The following TMEM233 variants were observed in gnomAD, a reference collection of about 807,000 sequenced individuals.
TMEM233 encodes the protein transmembrane protein 233.
A neutral mutation model predicts 11.2 loss-of-function variants in TMEM233; 6 were observed. The ratio of observed to expected loss-of-function variants is 0.54; its 90% CI spans 0.29 to 1.06. The LOEUF (loss-of-function observed/expected upper bound fraction) is 1.06. Ranked by LOEUF, TMEM233 falls within the 50% of genes least tolerant of loss-of-function variation. The pLI, the probability that TMEM233 is intolerant of heterozygous loss-of-function variation, is 0.08. For missense variants in TMEM233, 127 were observed against 144.7 expected, an observed-to-expected ratio of 0.88 and a Z score of 0.63; for synonymous variants, 59 against 55.8, an observed-to-expected ratio of 1.06 and a Z score of -0.26.
chr12:119,600,873 T>C (rs922998419), intron 1 of TMEM233, among the ~76,000 whole-genome samples: 1 of 152,194 alleles, frequency 6.6e-6, no homozygotes, highest in Non-Finnish European at 1.5e-5. Context: ...GTGGTGATGG[T>C]TGTACAACAG....
At chr12:119,650,098 C>T in the TMEM233 span, among the ~76,000 whole-genome samples, 1 of 146,150 alleles carries the variant, frequency 6.8e-6, no homozygotes, top group South Asian at 2.1e-4. Flanking sequence ...GCGGAGTTTG[C>T]AGTGAGCAGA....
downstream of TMEM233, among the ~76,000 whole-genome samples, chr12:119,646,965 G>GT (rs562572968): frequency 3.2e-4 from 49 of 152,304 alleles, 1 homozygote; most frequent in African/African-American, 1.2e-3. Flanking sequence ...ACACACAGCA[G>GT]CCAGGGTTAT....
the TMEM233 span, among the ~76,000 whole-genome samples, chr12:119,649,514 A>G: frequency 6.6e-6 from 1 of 152,150 alleles, no homozygotes; most frequent in Non-Finnish European, 1.5e-5. Flanking sequence ...CCAGAAACAA[A>G]CTGGAAGAAA....
intron 1 of TMEM233, 75 bp from the exon 2 acceptor site, chr12:119,629,661 A>G: frequency 7.0e-7 from 1 of 1,433,094 alleles, no homozygotes. Context: ...CCTTTTCATC[A>G]GGACAGCCTG....
chr12:119,646,100 C>T (rs1228339139), downstream of TMEM233, among the ~76,000 whole-genome samples: 2 of 151,900 alleles, frequency 1.3e-5, no homozygotes, highest in Non-Finnish European at 2.9e-5. Flanking sequence ...CTCTGTTGCC[C>T]AGGCTTGAGT....
At chr12:119,620,746 T>C (rs1954624668) in intron 1 of TMEM233, among the ~76,000 whole-genome samples, 1 of 152,214 alleles carries the variant, frequency 6.6e-6, no homozygotes, top group Non-Finnish European at 1.5e-5. Context: ...ACTCATTATT[T>C]TAATCACGAA....
downstream of TMEM233, among the ~76,000 whole-genome samples, chr12:119,645,782 CCA>C (rs1458756371): frequency 6.6e-6 from 1 of 152,106 alleles, no homozygotes; most frequent in African/African-American, 2.4e-5. Flanking sequence ...CAGTTTGCAC[CCA>C]CACTGGTTCA....
chr12:119,606,434 G>A (rs1461684366), intron 1 of TMEM233, among the ~76,000 whole-genome samples: 1 of 151,956 alleles, frequency 6.6e-6, no homozygotes, highest in Admixed American at 6.6e-5. Flanking sequence ...GATGTGGTTT[G>A]AAGAATAAAA....
chr12:119,652,709 G>A, the TMEM233 span, among the ~76,000 whole-genome samples: 1 of 152,232 alleles, frequency 6.6e-6, no homozygotes, highest in Non-Finnish European at 1.5e-5. Flanking sequence ...ATCCTTGGCT[G>A]ACTCAAACTG....
At chr12:119,599,305 C>T (rs571563380) in intron 1 of TMEM233, among the ~76,000 whole-genome samples, 6 of 152,036 alleles carry the variant, frequency 3.9e-5, no homozygotes, top group Admixed American at 6.5e-5. Flanking sequence ...TTGTCTGTAA[C>T]GTAAAGGATA....
intron 1 of TMEM233, among the ~76,000 whole-genome samples, chr12:119,608,343 G>A (rs888877687): frequency 6.6e-6 from 1 of 152,198 alleles, no homozygotes; most frequent in East Asian, 1.9e-4. Context: ...TCTGTAGAAA[G>A]TATCTACCAA....
At chr12:119,607,041 T>C (rs1954294483) in intron 1 of TMEM233, among the ~76,000 whole-genome samples, 1 of 152,172 alleles carries the variant, frequency 6.6e-6, no homozygotes, top group South Asian at 2.1e-4. Context: ...TCTTTATCAA[T>C]TAAAAGTAGC....
Position 119,594,048 on chromosome 12 carries a change from G to A in TMEM233, c.186+14G>A. On this transcript the variant is annotated intron_variant, in intron 1 of 2. Transcript: ENST00000426426. The surrounding 1 kb of genome is among the most constrained non-coding windows in gnomAD (Gnocchi z 5.6). ...TTTTCCATCATGGTGAGTGAATCAC[G>A]GCCAGAGGCAGCCTGGGAGGAGAGA... 2 of 1,550,946 alleles carry A rather than the reference G, an allele frequency of 1.3e-6. No individual in the cohort carries two copies. The highest frequency in any genetic ancestry group is 1.7e-6 in the Non-Finnish European group (2 of 1,146,536).
At position 119,641,511 on chromosome 12, in the gene TMEM233, C is replaced by G. The variant is rs1461418620; in HGVS notation, c.*806C>G. ...GAATGTGCTTTTTTTTTTTCAATTTCTCACTCTCTCTCCTATCTCTAGCAA... is the reference window on the plus strand; with the variant it reads ...GAATGTGCTTTTTTTTTTTCAATTTGTCACTCTCTCTCCTATCTCTAGCAA... On this transcript the variant is annotated 3_prime_UTR_variant, in exon 3 of 3. Transcript: ENST00000426426. The G allele has an allele frequency of 2.7e-5, 4 of 150,208 alleles. No individual in the cohort carries two copies. The highest frequency in any genetic ancestry group is 9.8e-5 in the African/African-American group (4 of 40,772). 9.3% of individuals were successfully genotyped at this position (150,208 alleles called of 1,614,324 possible).
rs187625128 is a variant in TMEM233 at position 119,629,838 on chromosome 12, A to G, written c.289A>G (p.Ile97Val). Residue 97 changes from isoleucine (I) to valine (V), a missense_variant, in exon 2 of 3, where the codon ATC becomes GTC. By Grantham distance (29) the Ile-to-Val change is conservative (BLOSUM62 3). Coordinates refer to ENST00000426426, the MANE Select transcript of TMEM233 (RefSeq NM_001136534.3). ...CTCCATCATCATTGGCCTTCTCATC[A>G]TCGGCATTTCTTGTGCAGTTCACTT... ...IASIIIGLLIIGISCAVHFTR... is the reference protein window; with the variant it reads ...IASIIIGLLIVGISCAVHFTR... 5.9e-4 allele frequency: 910 copies of G among 1,551,636 alleles called. 9 individuals are homozygous for G. The Admixed American group carries it at 0.014, about 24-fold the overall frequency.
rs909455689 is a variant in TMEM233 at position 119,595,071 on chromosome 12, T to G, written c.186+1037T>G. 6.6e-6 allele frequency among the ~76,000 whole-genome samples: 1 copy of G among 152,186 alleles called. No individual in the cohort carries two copies. The highest frequency in any genetic ancestry group is 1.5e-5 in the Non-Finnish European group (1 of 68,026). ...GCCGCTGGGGCCTCTAGTCCGCCCT[T>G]CCGGAGCTCAGCTCCCTAGCCCTCT... is the stretch of plus-strand genomic sequence containing the variant. On this transcript the variant is annotated intron_variant, in intron 1 of 2. Transcript: ENST00000426426. The surrounding 1 kb of genome is among the most constrained non-coding windows in gnomAD (Gnocchi z 4.3).
chr12:119,596,576 C>G (rs1954052807), intron 1 of TMEM233, among the ~76,000 whole-genome samples: 2 of 150,288 alleles, frequency 1.3e-5, no homozygotes, highest in Non-Finnish European at 2.9e-5. Flanking sequence ...ACTGCAACCT[C>G]CACCTCCCGG....
chr12:119,615,170 T>C (rs1487461440), intron 1 of TMEM233, among the ~76,000 whole-genome samples: 1 of 55,210 alleles, frequency 1.8e-5, no homozygotes. Flanking sequence ...ACCCGCTTTC[T>C]GCTAAAAAAA....
At chr12:119,614,428 G>C (rs1954479963) in intron 1 of TMEM233, among the ~76,000 whole-genome samples, 2 of 151,924 alleles carry the variant, frequency 1.3e-5, no homozygotes, top group African/African-American at 4.8e-5. Flanking sequence ...GAGAGAGAGA[G>C]AGAGAGAGGC....
Sources: allele counts gnomAD v4.1 joint callset (sites outside exome capture counted in the v4.1 genomes callset), GRCh38; gene constraint gnomAD v4.1.1; non-coding constraint Gnocchi (gnomAD v3.1); transcripts MANE v1.5; gene names NCBI Gene and HGNC (gene_info 2026-07-23, HGNC 2026-07-21).